Variants in LPP observed in about 807,000 individuals in gnomAD.
LPP encodes the protein LIM domain containing preferred translocation partner in lipoma.
Under a neutral mutation model 60.4 loss-of-function variants are expected in LPP, and 38 were observed. The ratio of observed to expected loss-of-function variants is 0.63; its 90% CI spans 0.49 to 0.83. The LOEUF (loss-of-function observed/expected upper bound fraction) is 0.83, where lower values mean the gene tolerates loss of function less well. LPP is among the 40% of genes least tolerant of loss of function. The probability of loss-of-function intolerance (pLI) is 0.00; values close to 1 mark genes in which losing one functional copy is unlikely to be tolerated. For missense variants in LPP, 902 were observed against 783.6 expected (o/e 1.15, Z -1.80); for synonymous variants, 328 against 290.8 (o/e 1.13, Z -1.30).
intron 9 of LPP, 145 bp downstream of exon 9, chr3:188,760,427 T>TGTGTGTGTG: frequency 1.4e-6 from 1 of 733,682 alleles, no homozygotes; most frequent in Non-Finnish European, 2.2e-6. Flanking sequence ...TGTGTGTGTG[T>TGTGTGTGTG]GTGTGTGTGC....
intron 2 of LPP, among the ~76,000 whole-genome samples, chr3:188,238,817 T>C (rs1722808738): frequency 6.6e-6 from 1 of 152,206 alleles, no homozygotes; most frequent in Admixed American, 6.5e-5. Flanking sequence ...AGCCATGAAA[T>C]GAGCACATGC....
At chr3:188,721,553 CAACAA>C (rs1179826749) in intron 8 of LPP, among the ~76,000 whole-genome samples, 2 of 151,790 alleles carry the variant, frequency 1.3e-5, no homozygotes, top group African/African-American at 2.4e-5. Context: ...CAGTCTGTCT[CAACAA>C]AACAAAACAA....
chr3:188,484,456 A>G, intron 4 of LPP, 136 bp from the exon 5 acceptor site: 1 of 611,628 alleles, frequency 1.6e-6, no homozygotes, highest in Non-Finnish European at 2.9e-6. Flanking sequence ...TTAAACTAAG[A>G]TGGGGAATAA....
At chr3:188,613,838 G>A (rs1333306880) in intron 7 of LPP, among the ~76,000 whole-genome samples, 1 of 151,900 alleles carries the variant, frequency 6.6e-6, no homozygotes, top group Non-Finnish European at 1.5e-5. Context: ...TAAGATTAAG[G>A]AAACAGAGAA....
intron 9 of LPP, among the ~76,000 whole-genome samples, chr3:188,790,349 C>CGT (rs139710978): frequency 4.0e-5 from 6 of 150,520 alleles, no homozygotes; most frequent in South Asian, 4.2e-4. Flanking sequence ...GTGGTGTGTG[C>CGT]GTGTGTGTGT....
At chr3:188,657,502 G>T (rs1515422) in intron 7 of LPP, among the ~76,000 whole-genome samples, 140,234 of 151,748 alleles carry the variant, frequency 0.92, 65,723 homozygotes, top group East Asian at 1. Context: ...CTGCGTATTT[G>T]ATATGCTCTT....
intron 5 of LPP, among the ~76,000 whole-genome samples, chr3:188,493,349 G>A (rs1247876313): frequency 6.6e-6 from 1 of 151,998 alleles, no homozygotes; most frequent in East Asian, 1.9e-4. Flanking sequence ...TTGGTCTATA[G>A]GCTTTATTTG....
At chr3:188,811,351 T>TACACACAC (rs58445393) in intron 9 of LPP, among the ~76,000 whole-genome samples, 2,508 of 144,938 alleles carry the variant, frequency 0.017, 64 homozygotes, top group African/African-American at 0.05. Context: ...AAGTGCTGTA[T>TACACACAC]ACACACACAC....
chr3:188,554,825 A>G (rs1829075047), intron 6 of LPP, among the ~76,000 whole-genome samples: 1 of 152,174 alleles, frequency 6.6e-6, no homozygotes, highest in Non-Finnish European at 1.5e-5. Context: ...ATATTTATTG[A>G]AGACTTATTG....
chr3:188,770,168 CTT>C (rs57278260), intron 9 of LPP, among the ~76,000 whole-genome samples: 3,209 of 64,414 alleles, frequency 0.05, 37 homozygotes, highest in Non-Finnish European at 0.063. Flanking sequence ...AGTTATAATT[CTT>C]TTTTTTTTTT....
At position 188,609,582 on chromosome 3, in the gene LPP, A is replaced by G. The variant is rs915078984; in HGVS notation, c.851A>G (p.Glu284Gly). ...ATTCCACCACCAGGACTTCAGCCGG[A>G]GCCTGGGTATGGGTATGCCCCCAAC... is the stretch of plus-strand genomic sequence containing the variant. Reference protein sequence around the residue: ...AYIPPPGLQPEPGYGYAPNQG... With the variant: ...AYIPPPGLQPGPGYGYAPNQG... Residue 284 changes from glutamate (E) to glycine (G), a missense_variant, in exon 7 of 12, where the codon GAG becomes GGG. Transcript: ENST00000617246. The surrounding 1 kb of genome is among the most constrained non-coding windows in gnomAD (Gnocchi z 6.9). 2.5e-6 allele frequency: 4 copies of G among 1,614,052 alleles called. No homozygotes were observed. In the African/African-American group the frequency reaches 5.3e-5, roughly 22 times the overall value.
chr3:188,347,906 A>C (rs1764828860), intron 3 of LPP, among the ~76,000 whole-genome samples: 1 of 152,212 alleles, frequency 6.6e-6, no homozygotes, highest in Non-Finnish European at 1.5e-5. Context: ...ACAGCAGGTT[A>C]ATGGCTCTCT....
intron 5 of LPP, among the ~76,000 whole-genome samples, chr3:188,486,850 C>T (rs534793965): frequency 4.3e-4 from 66 of 152,024 alleles, no homozygotes; most frequent in Non-Finnish European, 6.9e-4. Context: ...ACAGATAGAA[C>T]CTTTGGCAAA....
chr3:188,338,983 C>A (rs1762376071), intron 2 of LPP, among the ~76,000 whole-genome samples: 1 of 152,054 alleles, frequency 6.6e-6, no homozygotes, highest in African/African-American at 2.4e-5. Flanking sequence ...TTTTTCTTTA[C>A]CCCCTGTTAT....
intron 6 of LPP, among the ~76,000 whole-genome samples, chr3:188,553,268 T>C (rs7626893): frequency 0.055 from 8,329 of 152,218 alleles, 766 homozygotes; most frequent in African/African-American, 0.19. Context: ...TTTTCTACCC[T>C]TTCCTCCTAC....
intron 9 of LPP, among the ~76,000 whole-genome samples, chr3:188,781,910 T>A (rs7650096): frequency 0.11 from 6,162 of 57,622 alleles, 332 homozygotes; most frequent in South Asian, 0.22. Context: ...AAAAAAAAAA[T>A]CTATCACCCC....
chr3:188,384,658 C>T (rs1258625751), intron 3 of LPP, among the ~76,000 whole-genome samples: 1 of 151,970 alleles, frequency 6.6e-6, no homozygotes, highest in Non-Finnish European at 1.5e-5. Context: ...GGCATGGTGG[C>T]ACATGCCTGT....
chr3:188,218,733 T>C (rs1355833133), intron 1 of LPP, among the ~76,000 whole-genome samples: 1 of 152,140 alleles, frequency 6.6e-6, no homozygotes, highest in African/African-American at 2.4e-5. Context: ...TGGAGGCGTA[T>C]GGAAGGGGAG....
At chr3:188,669,372 C>G (rs547516394) in intron 7 of LPP, among the ~76,000 whole-genome samples, 5 of 151,934 alleles carry the variant, frequency 3.3e-5, no homozygotes, top group Non-Finnish European at 5.9e-5. Flanking sequence ...GTCAGGAGAT[C>G]GAGACCATCC....
Sources: allele counts gnomAD v4.1 joint callset (sites outside exome capture counted in the v4.1 genomes callset), GRCh38; gene constraint gnomAD v4.1.1; non-coding constraint Gnocchi (gnomAD v3.1); transcripts MANE v1.5; gene names NCBI Gene and HGNC (gene_info 2026-07-23, HGNC 2026-07-21).